ALDH7A1: variants seen among roughly 807,000 people sequenced by gnomAD.
ALDH7A1 encodes aldehyde dehydrogenase 7 family member A1.
ALDH7A1 carries 63 observed loss-of-function variants against 79.9 expected under a neutral mutation model. The ratio of observed to expected loss-of-function variants is 0.79; its 90% CI spans 0.64 to 0.97. The LOEUF (loss-of-function observed/expected upper bound fraction) is 0.97, where lower values mean the gene tolerates loss of function less well. Among genes scored for constraint, ALDH7A1 ranks in the 50% least tolerant of loss-of-function variants. ALDH7A1 has a pLI of 0.00. For missense variants in ALDH7A1, 627 were observed against 665.2 expected, an observed-to-expected ratio of 0.94 and a Z score of 0.63; for synonymous variants, 240 against 231.2, an observed-to-expected ratio of 1.04 and a Z score of -0.34.
Position 126,556,105 on chromosome 5 carries a change from T to C in ALDH7A1, c.1009-90A>G, listed in dbSNP as rs1175577054. The C allele has an allele frequency of 4.0e-6, 3 of 747,458 alleles. No homozygotes were observed. In the African/African-American group the frequency reaches 5.3e-5, roughly 13 times the overall value. 46.3% of individuals were successfully genotyped at this position (747,458 alleles called of 1,614,324 possible). A position where few individuals can be genotyped will look rare whatever the true frequency, so the allele number is the denominator to read the frequency against. On this transcript the variant is annotated intron_variant, in intron 11 of 17. Transcript: ENST00000409134. The stretch of plus-strand genomic sequence containing the variant: ...ATTTCCTTGATAGTTACTGAAATAC[T>C]GTAATCTCTAAAAATATAAGAAAAT...
intron 5 of ALDH7A1, among the ~76,000 whole-genome samples, chr5:126,578,979 AGCCTCTTCCTGGCAGGGCCT>A (rs202235158): frequency 0.11 from 16,819 of 152,002 alleles, 1,012 homozygotes; most frequent in African/African-American, 0.16. Flanking sequence ...GTGCTGGCAC[AGCCTCTTCCTGGCAGGGCCT>A]GCCTCTTCCT....
chr5:126,589,824 G>C (rs929347258), intron 3 of ALDH7A1, among the ~76,000 whole-genome samples: 12 of 150,164 alleles, frequency 8.0e-5, no homozygotes, highest in Admixed American at 7.3e-4. Flanking sequence ...GAAGTGAGGA[G>C]GACCTCTGCC....
intron 5 of ALDH7A1, chr5:126,580,054 C>A: frequency 6.0e-6 from 1 of 167,682 alleles, no homozygotes. Flanking sequence ...TACCTGCTTG[C>A]ACATGTACAT....
At position 126,567,932 on chromosome 5, in the gene ALDH7A1, C is replaced by T. The variant is rs189973593; in HGVS notation, c.871+327G>A. ...CCGAGTAGCTGGGACTACAGGAGCCCGCCACCACGCCCCGCTAATTTTTTG... is the reference window on the plus strand; with the variant it reads ...CCGAGTAGCTGGGACTACAGGAGCCTGCCACCACGCCCCGCTAATTTTTTG... On this transcript the variant is annotated intron_variant, in intron 9 of 17. Coordinates refer to ENST00000409134, the MANE Select transcript of ALDH7A1 (RefSeq NM_001182.5). The T allele has an allele frequency of 2.2e-4, 74 of 337,898 alleles. No individual in the cohort carries two copies. The East Asian group carries it at 5.4e-3, about 24-fold the overall frequency. The allele number at this position is 337,898 out of a possible 1,614,324, so 20.9% of individuals were successfully genotyped here. A position where few individuals can be genotyped will look rare whatever the true frequency, so the allele number is the denominator to read the frequency against.
chr5:126,575,474 G>T lies in ALDH7A1; in HGVS notation c.651-10C>A, dbSNP rs1750933772. The T allele has an allele frequency of 1.2e-6, 2 of 1,608,524 alleles. No individual in the cohort carries two copies. Among genetic ancestry groups the T allele is most frequent in the East Asian group, 2.2e-5 (1 of 44,816 alleles). On this transcript the variant is annotated splice_polypyrimidine_tract_variant and intron_variant, in intron 6 of 17. Coordinates refer to ENST00000409134, the MANE Select transcript of ALDH7A1 (RefSeq NM_001182.5). ...GGTTGGAGCTCCTTTCCTTAAGAAG[G>T]TTAAAACAAAAAAAGAAAAAGAAAA...
chr5:126,555,917 A>C lies in ALDH7A1; in HGVS notation c.1093+14T>G, dbSNP rs758643021. ...CAAAAAGGGATCGCTTTGAAAGCAG[A>C]AGGAGATACTCACGGTCCCATGGGT... On this transcript the variant is annotated intron_variant, in intron 12 of 17. Coordinates refer to ENST00000409134, the MANE Select transcript of ALDH7A1 (RefSeq NM_001182.5). 2.5e-6 allele frequency: 4 copies of C among 1,601,298 alleles called. No individual in the cohort carries two copies. The South Asian group carries it at 4.4e-5, about 18-fold the overall frequency.
rs1260823539 is a variant in ALDH7A1 at position 126,544,730 on chromosome 5, A to G, written c.*235T>C. 5.6e-6 allele frequency: 3 copies of G among 534,060 alleles called. No homozygotes were observed. The highest frequency in any genetic ancestry group is 6.5e-5 in the East Asian group (2 of 30,568). 33.1% of individuals were successfully genotyped at this position (534,060 alleles called of 1,614,324 possible). A position where few individuals can be genotyped will look rare whatever the true frequency, so the allele number is the denominator to read the frequency against. On this transcript the variant is annotated 3_prime_UTR_variant, in exon 18 of 18. Transcript: ENST00000409134. The stretch of plus-strand genomic sequence containing the variant: ...AAAGCCATGTACAACTAGTTGACAT[A>G]ATAAAAATCCACCTAACTCATCTTT...
chr5:126,547,398 C>T lies in ALDH7A1; in HGVS notation c.1490-999G>A, dbSNP rs1229787801. 5.9e-5 allele frequency among the ~76,000 whole-genome samples: 9 copies of T among 152,218 alleles called. No individual in the cohort carries two copies. In the South Asian group the frequency reaches 8.3e-4, roughly 14 times the overall value. Reference sequence around the variant, plus strand: ...TCCCAAGAGACTCCCTATCCAGCTACGCACATGCTGGGGGAATGAACTAAT... The same window carrying T: ...TCCCAAGAGACTCCCTATCCAGCTATGCACATGCTGGGGGAATGAACTAAT... On this transcript the variant is annotated intron_variant, in intron 16 of 17. Transcript: ENST00000409134.
rs958089083 is a variant in ALDH7A1, at chr5:126,582,856, G to A, written c.512C>T (p.Ser171Phe). 1 of 1,612,240 alleles carries A rather than the reference G, an allele frequency of 6.2e-7. No homozygotes were observed. ...SRMIGGPILPSERSGHALIEQ... is the reference protein window; with the variant it reads ...SRMIGGPILPFERSGHALIEQ... ...TAACTAATTTCATTGCTTACTTTCA[G>A]AAGGCAAGATAGGTCCTCCAATCAT... Residue 171 changes from serine (S) to phenylalanine (F), a missense_variant, in exon 5 of 18, where the codon TCT becomes TTT. Physicochemically the swap from Ser to Phe is radical, Grantham distance 155. Transcript: ENST00000409134.
intron 7 of ALDH7A1, among the ~76,000 whole-genome samples, chr5:126,574,866 T>A (rs905144641): frequency 3.3e-5 from 5 of 152,148 alleles, no homozygotes; most frequent in African/African-American, 1.2e-4. Context: ...ACTCTATACA[T>A]CCTCCAAATT....
chr5:126,590,754 G>T (rs1751526702), intron 3 of ALDH7A1, among the ~76,000 whole-genome samples: 1 of 152,084 alleles, frequency 6.6e-6, no homozygotes, highest in African/African-American at 2.4e-5. Flanking sequence ...AGGCATGGTG[G>T]TGTGTACGTG....
In ALDH7A1 at chr5:126,595,022, C is replaced by T. The variant is rs1064794242; in HGVS notation, c.177G>A (p.Trp59Ter). The change falls in exon 1 of 18, where the codon TGG (tryptophan) becomes TGA (stop). Residue 59 changes from tryptophan (W) to a stop codon, truncating the protein, a stop_gained. Coordinates refer to ENST00000409134, the MANE Select transcript of ALDH7A1 (RefSeq NM_001182.5). LOFTEE classifies it high-confidence loss of function. ...GCCCGCGTACCTCTCCCCGGCCTCC[C>T]CAGCTTCCATTATACACGCCCTCGT... Reference protein sequence around the residue: ...EENEGVYNGSWGGRGEVITTY... With the variant: ...EENEGVYNGS 6.2e-7 allele frequency: 1 copy of T among 1,605,868 alleles called. No individual in the cohort carries two copies. Among genetic ancestry groups the T allele is most frequent in the African/African-American group, 1.3e-5 (1 of 74,754 alleles).
chr5:126,554,238 GA>G lies in ALDH7A1; in HGVS notation c.1200+48del, dbSNP rs754903743. On this transcript the variant is annotated intron_variant, in intron 13 of 17. Transcript: ENST00000409134. ...CCCAGAGCCCTGCTTGTGTCTCAGG[GA>G]AAAGAAGGTTAAAAAGCTGTCACAA... 3.2e-6 allele frequency: 5 copies of G among 1,546,482 alleles called. No homozygotes were observed. The Admixed American group carries it at 8.3e-5, about 26-fold the overall frequency.
intron 14 of ALDH7A1, among the ~76,000 whole-genome samples, chr5:126,551,255 T>G (rs904623548): frequency 6.6e-6 from 1 of 151,968 alleles, no homozygotes; most frequent in Admixed American, 6.6e-5. Flanking sequence ...GATCAAGATA[T>G]GAGATCAGGG....
At chr5:126,562,655 C>T (rs1196176272) in intron 9 of ALDH7A1, among the ~76,000 whole-genome samples, 3 of 152,102 alleles carry the variant, frequency 2.0e-5, no homozygotes, top group Admixed American at 2.0e-4. Flanking sequence ...CAAGACCATC[C>T]TGGCCAACAT....
intron 9 of ALDH7A1, chr5:126,564,230 C>T (rs560855482): frequency 5.4e-6 from 1 of 186,456 alleles, no homozygotes; most frequent in Non-Finnish European, 1.1e-5. Context: ...AATCTCAGCT[C>T]ACTGCAACCT....
chr5:126,556,930 T>A (rs538544707), intron 11 of ALDH7A1, among the ~76,000 whole-genome samples: 7 of 152,222 alleles, frequency 4.6e-5, no homozygotes, highest in Non-Finnish European at 1.0e-4. Context: ...ATATTACTGC[T>A]AACTCTAAGG....
At chr5:126,545,734 G>A (rs1429519347) in intron 17 of ALDH7A1, among the ~76,000 whole-genome samples, 1 of 151,296 alleles carries the variant, frequency 6.6e-6, no homozygotes, top group African/African-American at 2.4e-5. Context: ...TGAGGCTGCA[G>A]TGAGCTGAGA....
intron 12 of ALDH7A1, chr5:126,555,482 C>CAAA (rs762878623): frequency 1.4e-3 from 106 of 75,040 alleles, no homozygotes; most frequent in African/African-American, 2.5e-3. Context: ...AACTGTGTCT[C>CAAA]AAAAAAAAAA....
Sources: gnomAD v4.1 joint callset for allele counts (sites outside exome capture counted in the v4.1 genomes callset) on GRCh38, gnomAD v4.1.1 for gene constraint, MANE v1.5 for transcripts, NCBI Gene and HGNC (gene_info 2026-07-23, HGNC 2026-07-21) for gene names.